Variants in PCDH15 observed in about 807,000 individuals in gnomAD.
PCDH15 encodes protocadherin related 15, also known as protocadherin-15.
Under a neutral mutation model 178.5 loss-of-function variants are expected in PCDH15, and 129 were observed. The observed-to-expected ratio is 0.72, with a 90% CI of 0.63 to 0.84. The LOEUF (loss-of-function observed/expected upper bound fraction) is 0.84. PCDH15 is among the 40% of genes least tolerant of loss of function. The pLI, the probability that PCDH15 is intolerant of heterozygous loss-of-function variation, is 0.00. For synonymous variants in PCDH15, 800 were observed against 732.0 expected, an observed-to-expected ratio of 1.09 and a Z score of -1.50; for missense variants, 2,230 against 2,099.9, an observed-to-expected ratio of 1.06 and a Z score of -1.21.
At chr10:54,911,083 C>A (rs753688201) in intron 2 of PCDH15, among the ~76,000 whole-genome samples, 3 of 152,180 alleles carry the variant, frequency 2.0e-5, no homozygotes, top group African/African-American at 7.2e-5. Flanking sequence ...AGTGAAATAT[C>A]CGCCCTAGTA....
chr10:54,362,578 C>T (rs1176623553), intron 5 of PCDH15, among the ~76,000 whole-genome samples: 1 of 152,004 alleles, frequency 6.6e-6, no homozygotes, highest in Non-Finnish European at 1.5e-5. Context: ...AGAAACAGAA[C>T]TTGATTAAAC....
At chr10:53,852,835 TTGA>T (rs2078476931) in intron 28 of PCDH15, among the ~76,000 whole-genome samples, 1 of 152,092 alleles carries the variant, frequency 6.6e-6, no homozygotes, top group African/African-American at 2.4e-5. Flanking sequence ...AGAAATGGCT[TTGA>T]TGATAACTAA....
At chr10:54,629,313 A>G (rs1008447023) in intron 2 of PCDH15, among the ~76,000 whole-genome samples, 2 of 152,150 alleles carry the variant, frequency 1.3e-5, no homozygotes, top group Admixed American at 1.3e-4. Context: ...AGAAAGGAAG[A>G]AATGTAATAA....
intron 3 of PCDH15, among the ~76,000 whole-genome samples, chr10:54,846,398 A>G (rs1221153611): frequency 1.3e-5 from 2 of 152,132 alleles, no homozygotes; most frequent in Non-Finnish European, 2.9e-5. Flanking sequence ...TGAATGAATG[A>G]TGAATAAAAT....
intron 25 of PCDH15, among the ~76,000 whole-genome samples, chr10:53,928,258 C>CT (rs1161738891): frequency 4.0e-5 from 6 of 150,936 alleles, no homozygotes; most frequent in South Asian, 2.1e-4. Context: ...TAATGAGAAG[C>CT]TTTTTTTTTC....
At chr10:55,351,359 T>G (rs1387986410) in intron 2 of PCDH15, among the ~76,000 whole-genome samples, 1 of 152,102 alleles carries the variant, frequency 6.6e-6, no homozygotes, top group African/African-American at 2.4e-5. Context: ...TTTTCAACTG[T>G]ATTCAGTACT....
intron 3 of PCDH15, among the ~76,000 whole-genome samples, chr10:54,416,523 C>T (rs187089086): frequency 6.6e-6 from 1 of 152,226 alleles, no homozygotes; most frequent in African/African-American, 2.4e-5. Context: ...GCCAGTCTAT[C>T]ACTGATAGAC....
chr10:54,323,902 T>G (rs1195249349), intron 7 of PCDH15, among the ~76,000 whole-genome samples: 1 of 152,166 alleles, frequency 6.6e-6, no homozygotes, highest in Non-Finnish European at 1.5e-5. Context: ...GTAAACATTT[T>G]TTGTTTGAGA....
chr10:54,733,198 A>C (rs1163840680), intron 1 of PCDH15, among the ~76,000 whole-genome samples: 1 of 151,668 alleles, frequency 6.6e-6, no homozygotes, highest in Non-Finnish European at 1.5e-5. Flanking sequence ...CTCTATTAAA[A>C]AGAGAACATG....
At chr10:53,882,748 T>A (rs2133360509) in intron 26 of PCDH15, among the ~76,000 whole-genome samples, 1 of 152,340 alleles carries the variant, frequency 6.6e-6, no homozygotes, top group Non-Finnish European at 1.5e-5. Flanking sequence ...GCAAAGTTAT[T>A]AGAATGTATT....
intron 1 of PCDH15, among the ~76,000 whole-genome samples, chr10:54,673,943 T>G (rs940383635): frequency 2.6e-5 from 4 of 152,156 alleles, no homozygotes; most frequent in Non-Finnish European, 4.4e-5. Context: ...CCAGGTGACA[T>G]GTTTAAGTAG....
chr10:55,419,093 C>G (rs2132043153), intron 2 of PCDH15, among the ~76,000 whole-genome samples: 1 of 151,550 alleles, frequency 6.6e-6, no homozygotes, highest in East Asian at 1.9e-4. Context: ...AAATTGAAGC[C>G]CAGCATAATA....
intron 2 of PCDH15, among the ~76,000 whole-genome samples, chr10:54,600,857 G>A (rs1465626878): frequency 6.6e-6 from 1 of 151,950 alleles, no homozygotes; most frequent in East Asian, 1.9e-4. Flanking sequence ...GTCTTTGGGG[G>A]ATTCAAATGC....
At chr10:54,238,275 T>G (rs1401157582) in intron 8 of PCDH15, among the ~76,000 whole-genome samples, 1 of 152,016 alleles carries the variant, frequency 6.6e-6, no homozygotes, top group Non-Finnish European at 1.5e-5. Flanking sequence ...ACAAAACCAG[T>G]AGTTTCAGTT....
At chr10:55,564,931 G>A (rs1842271202) in intron 2 of PCDH15, among the ~76,000 whole-genome samples, 1 of 151,422 alleles carries the variant, frequency 6.6e-6, no homozygotes, top group Non-Finnish European at 1.5e-5. Flanking sequence ...CCTTAGTAAT[G>A]GATAAACCAA....
intron 2 of PCDH15, chr10:54,607,101 G>A (rs1034636055): frequency 2.6e-5 from 4 of 151,892 alleles, no homozygotes; most frequent in Non-Finnish European, 5.9e-5. Context: ...AGTTGTCAAA[G>A]TAACTTATAC....
intron 8 of PCDH15, among the ~76,000 whole-genome samples, chr10:54,290,817 TA>T (rs1021503252): frequency 4.6e-5 from 7 of 152,098 alleles, no homozygotes; most frequent in African/African-American, 1.7e-4. Context: ...ACATAATGGT[TA>T]AAGGGATCAA....
intron 2 of PCDH15, among the ~76,000 whole-genome samples, chr10:55,421,044 TG>T (rs1479851948): frequency 6.6e-6 from 1 of 151,640 alleles, no homozygotes. Context: ...AATTACAGAA[TG>T]AAGGAAATTC....
chr10:55,401,089 C>G (rs1010939105), intron 2 of PCDH15, among the ~76,000 whole-genome samples: 5 of 152,072 alleles, frequency 3.3e-5, no homozygotes, highest in Admixed American at 6.6e-5. Flanking sequence ...GTCCTGGGAA[C>G]ACAACCATCA....
Sources: allele counts gnomAD v4.1 joint callset (sites outside exome capture counted in the v4.1 genomes callset), GRCh38; gene constraint gnomAD v4.1.1; transcripts MANE v1.5; gene names NCBI Gene and HGNC (gene_info 2026-07-23, HGNC 2026-07-21).